Variants in PEX7 observed in about 807,000 individuals in gnomAD.
PEX7 encodes the protein PTS2 receptor.
A neutral mutation model predicts 47.5 loss-of-function variants in PEX7; 34 were observed. The ratio of observed to expected loss-of-function variants is 0.72; its 90% CI spans 0.54 to 0.95. PEX7 has a LOEUF of 0.95. Among genes scored for constraint, PEX7 ranks in the 40% least tolerant of loss-of-function variants. The pLI, the probability that PEX7 is intolerant of heterozygous loss-of-function variation, is 0.00. For synonymous variants in PEX7, 141 were observed against 148.8 expected (o/e 0.95, Z 0.38); for missense variants, 394 against 400.3 (o/e 0.98, Z 0.13).
intron 3 of PEX7, chr6:136,829,995 T>C: frequency 1.4e-6 from 1 of 704,112 alleles, no homozygotes; most frequent in Non-Finnish European, 2.6e-6. Context: ...CTGTTTTTTT[T>C]TTTTCCACCA....
intron 7 of PEX7, among the ~76,000 whole-genome samples, chr6:136,871,557 T>C (rs1775181884): frequency 6.6e-6 from 1 of 152,204 alleles, no homozygotes; most frequent in Non-Finnish European, 1.5e-5. Context: ...TTTATTACTT[T>C]GTTTGCTTTT....
chr6:136,866,122 T>C (rs1482688548), intron 5 of PEX7, among the ~76,000 whole-genome samples: 4 of 151,682 alleles, frequency 2.6e-5, no homozygotes, highest in Non-Finnish European at 5.9e-5. Flanking sequence ...TAAATAAAAT[T>C]TTTTAGCTTT....
chr6:136,877,749 A>T (rs918769143), intron 8 of PEX7, among the ~76,000 whole-genome samples: 2 of 152,108 alleles, frequency 1.3e-5, no homozygotes, highest in Non-Finnish European at 2.9e-5. Context: ...AGGTAGTGTG[A>T]TGCCTCCAGC....
chr6:136,897,069 A>C (rs1775664898), intron 8 of PEX7, among the ~76,000 whole-genome samples: 1 of 152,202 alleles, frequency 6.6e-6, no homozygotes, highest in Non-Finnish European at 1.5e-5. Context: ...TAATCTGATA[A>C]ATGAGCTATT....
At chr6:136,825,833 T>C (rs908519183) in intron 2 of PEX7, among the ~76,000 whole-genome samples, 1 of 152,106 alleles carries the variant, frequency 6.6e-6, no homozygotes, top group African/African-American at 2.4e-5. Context: ...GGGCCCAGCC[T>C]AAAAATTTTT....
intron 9 of PEX7, among the ~76,000 whole-genome samples, chr6:136,899,521 G>GACATGAACC (rs1370724089): frequency 6.6e-6 from 1 of 152,126 alleles, no homozygotes; most frequent in Non-Finnish European, 1.5e-5. Flanking sequence ...TGGGATTACA[G>GACATGAACC]ACATGAACCA....
chr6:136,853,854 T>C (rs1484798364), intron 5 of PEX7, among the ~76,000 whole-genome samples: 1 of 152,216 alleles, frequency 6.6e-6, no homozygotes, highest in East Asian at 1.9e-4. Flanking sequence ...AGCTTTCTTT[T>C]CTAGAATGTT....
intron 3 of PEX7, among the ~76,000 whole-genome samples, chr6:136,845,204 A>G (rs1774573724): frequency 6.6e-6 from 1 of 152,242 alleles, no homozygotes; most frequent in Non-Finnish European, 1.5e-5. Flanking sequence ...AAGAAAGGCC[A>G]GATAGGGATA....
At chr6:136,874,909 G>A (rs1263255288) in intron 8 of PEX7, among the ~76,000 whole-genome samples, 1 of 152,084 alleles carries the variant, frequency 6.6e-6, no homozygotes, top group Non-Finnish European at 1.5e-5. Context: ...GGAGGCTGAG[G>A]CGGGTGGATC....
intron 8 of PEX7, among the ~76,000 whole-genome samples, chr6:136,883,984 C>CA (rs745433532): frequency 2.6e-5 from 4 of 152,114 alleles, no homozygotes; most frequent in Non-Finnish European, 5.9e-5. Context: ...ATTACTGTTT[C>CA]ACCTCCATGC....
intron 8 of PEX7, among the ~76,000 whole-genome samples, chr6:136,873,564 A>C (rs1173512113): frequency 6.6e-6 from 1 of 152,186 alleles, no homozygotes; most frequent in Non-Finnish European, 1.5e-5. Context: ...GTATGATCTT[A>C]TCACCTGCAA....
rs74905860 is a variant in PEX7, at chr6:136,891,038, G to C, written c.804-7104G>C. On this transcript the variant is annotated intron_variant, in intron 8 of 9. Transcript: ENST00000318471. Reference sequence around the variant, plus strand: ...TTTCATGATTCTTTGATTTGTACCAGTAAGCAATACACAAACCGCATAGGA... The same window carrying C: ...TTTCATGATTCTTTGATTTGTACCACTAAGCAATACACAAACCGCATAGGA... 3.4e-3 allele frequency among the ~76,000 whole-genome samples: 522 copies of C among 152,280 alleles called. 9 individuals are homozygous for C. In the South Asian group the frequency reaches 0.041, roughly 12 times the overall value.
rs759991511 is a variant in PEX7, at chr6:136,898,245, A to AC, written c.903+5dup. 1 of 1,524,080 alleles carries AC rather than the reference A, an allele frequency of 6.6e-7. No individual in the cohort carries two copies. The highest frequency in any genetic ancestry group is 1.4e-5 in the African/African-American group (1 of 73,294). 94.4% of individuals were successfully genotyped at this position (1,524,080 alleles called of 1,614,324 possible). On this transcript the variant is annotated splice_donor_region_variant and intron_variant, in intron 9 of 9. Transcript: ENST00000318471. ...CAGTCTTCAGAGCCCCACTCAGGTA[A>AC]CGGATACAATCTCATGATATTCTCT...
chr6:136,839,430 T>G (rs1383498923), intron 3 of PEX7, among the ~76,000 whole-genome samples: 1 of 152,200 alleles, frequency 6.6e-6, no homozygotes, highest in African/African-American at 2.4e-5. Flanking sequence ...AAATTTGTCC[T>G]CTCAAACTGT....
At chr6:136,908,222 AT>A (rs1775875359) in intron 9 of PEX7, among the ~76,000 whole-genome samples, 1 of 152,158 alleles carries the variant, frequency 6.6e-6, no homozygotes, top group Non-Finnish European at 1.5e-5. Context: ...AAAGCAAGTA[AT>A]TTGTATTTCT....
chr6:136,866,627 G>A lies in PEX7; in HGVS notation c.527G>A (p.Gly176Asp). 1.2e-6 allele frequency: 2 copies of A among 1,613,004 alleles called. No homozygotes were observed. The highest frequency in any genetic ancestry group is 1.7e-6 in the Non-Finnish European group (2 of 1,179,098). The change falls in exon 6 of 10, where the codon GGT becomes GAT. Residue 176 changes from glycine to aspartate, a missense_variant and splice_region_variant. By Grantham distance (94) the Gly-to-Asp change is moderately conservative. Transcript: ENST00000318471. ...HIPGCFASAS[G>D]DQTLRIWDVK... ...ATGATCAAGTCTTCCTTTTTACTAGGTGATCAGACTCTGAGAATATGGGAT... is the reference window on the plus strand; with the variant it reads ...ATGATCAAGTCTTCCTTTTTACTAGATGATCAGACTCTGAGAATATGGGAT...
chr6:136,835,172 G>T (rs1190588841), intron 3 of PEX7, among the ~76,000 whole-genome samples: 1 of 151,962 alleles, frequency 6.6e-6, no homozygotes, highest in Non-Finnish European at 1.5e-5. Context: ...TGTTCTGGCC[G>T]CCTCAGCCTC....
intron 9 of PEX7, among the ~76,000 whole-genome samples, chr6:136,903,159 T>A (rs1011130586): frequency 6.6e-6 from 1 of 152,152 alleles, no homozygotes; most frequent in African/African-American, 2.4e-5. Context: ...CAATTAGTTA[T>A]CCAGAAGTGA....
At chr6:136,869,853 A>G in intron 6 of PEX7, 37 bp from the exon 7 acceptor site, 1 of 1,456,926 alleles carries the variant, frequency 6.9e-7, no homozygotes, top group Non-Finnish European at 9.6e-7. Flanking sequence ...TTAATTGCAA[A>G]GATGTCACAG....
Sources: allele counts gnomAD v4.1 joint callset (sites outside exome capture counted in the v4.1 genomes callset), GRCh38; gene constraint gnomAD v4.1.1; transcripts MANE v1.5; gene names NCBI Gene and HGNC (gene_info 2026-07-23, HGNC 2026-07-21).